FAF1: variants seen among roughly 807,000 people sequenced by gnomAD.
FAF1 encodes Fas associated factor 1.
Under a neutral mutation model 92.5 loss-of-function variants are expected in FAF1, and 25 were observed. The observed-to-expected ratio is 0.27, with a 90% confidence interval of 0.20 to 0.38. The LOEUF is 0.38. Ranked by LOEUF, FAF1 falls within the 10% of genes least tolerant of loss-of-function variation. FAF1 has a pLI of 1.00. For missense variants in FAF1, 636 were observed against 793.3 expected (o/e 0.80, Z 2.38); for synonymous variants, 234 against 273.2 (o/e 0.86, Z 1.42).
intron 8 of FAF1, among the ~76,000 whole-genome samples, chr1:50,651,523 CA>C (rs1654865075): frequency 6.6e-6 from 1 of 152,122 alleles, no homozygotes; most frequent in African/African-American, 2.4e-5. Flanking sequence ...TTCAACTGAG[CA>C]ATAAAAGTAC....
chr1:50,858,080 T>C (rs376492103), intron 1 of FAF1, 83 bp from the exon 2 acceptor site: 15 of 919,906 alleles, frequency 1.6e-5, no homozygotes, highest in Middle Eastern at 2.3e-4. Flanking sequence ...AATAGCATAA[T>C]ATGTAATTTA....
chr1:50,475,734 G>T, intron 17 of FAF1, 55 bp from the exon 18 acceptor site: 1 of 1,224,396 alleles, frequency 8.2e-7, no homozygotes, highest in Non-Finnish European at 1.1e-6. Context: ...ACTATGGAGA[G>T]TGGGGAGGAA....
rs1411668732 is a variant in FAF1, at chr1:50,574,896, CTCTTTTTTT to C, written c.1114-7674_1114-7666del. ...GTTTAAGCATATAGAGTTGTATTAA[CTCTTTTTTT>C]TTTTTTTTTTTTTTTTTTTTTGAGA... On this transcript the variant is annotated intron_variant, in intron 12 of 18. Transcript: ENST00000396153. Among the ~76,000 whole-genome samples the C allele has an allele frequency of 1.8e-3, 227 of 122,910 alleles. 8 individuals carry two copies. Among genetic ancestry groups the C allele is most frequent in the African/African-American group, 7.0e-3 (217 of 30,800 alleles). The allele number at this position is 122,910 out of a possible 152,430, so 80.6% of individuals were successfully genotyped here. A position where few individuals can be genotyped will look rare whatever the true frequency, so the allele number is the denominator to read the frequency against.
chr1:50,869,104 T>C (rs529395721), intron 1 of FAF1, among the ~76,000 whole-genome samples: 7 of 152,256 alleles, frequency 4.6e-5, no homozygotes, highest in Admixed American at 2.0e-4. Flanking sequence ...TCTTGAAAAA[T>C]TGATTCTCCC....
chr1:50,705,282 G>C (rs1296947987), intron 7 of FAF1, among the ~76,000 whole-genome samples: 1 of 152,160 alleles, frequency 6.6e-6, no homozygotes, highest in African/African-American at 2.4e-5. Context: ...ACTATAAATA[G>C]ACTCTTCTCA....
chr1:50,842,564 C>T (rs1370657421), intron 2 of FAF1, among the ~76,000 whole-genome samples: 2 of 152,062 alleles, frequency 1.3e-5, no homozygotes, highest in Non-Finnish European at 2.9e-5. Flanking sequence ...TCTGCTTGGT[C>T]TTCTCCTCTA....
intron 2 of FAF1, 51 bp downstream of exon 2, chr1:50,857,878 C>T (rs2124666016): frequency 8.7e-7 from 1 of 1,148,584 alleles, no homozygotes; most frequent in Non-Finnish European, 1.3e-6. Flanking sequence ...TAAAGACATT[C>T]AAGAATTCAT....
At chr1:50,631,188 T>C (rs564706932) in intron 8 of FAF1, among the ~76,000 whole-genome samples, 15 of 152,324 alleles carry the variant, frequency 9.8e-5, no homozygotes, top group African/African-American at 3.4e-4. Flanking sequence ...TGTTATGAAA[T>C]GGAACTCCAG....
At chr1:50,518,263 A>C (rs1213953687) in intron 15 of FAF1, among the ~76,000 whole-genome samples, 1 of 152,212 alleles carries the variant, frequency 6.6e-6, no homozygotes, top group Non-Finnish European at 1.5e-5. Context: ...TGCCTTTGTG[A>C]TACATTCAAG....
intron 1 of FAF1, among the ~76,000 whole-genome samples, chr1:50,921,380 A>T (rs564542379): frequency 6.6e-6 from 1 of 152,354 alleles, no homozygotes; most frequent in Non-Finnish European, 1.5e-5. Context: ...CCACTGAGGG[A>T]ATTCTTAACA....
At chr1:50,655,411 A>G in intron 8 of FAF1, 31 bp downstream of exon 8, 1 of 1,391,776 alleles carries the variant, frequency 7.2e-7, no homozygotes, top group South Asian at 1.2e-5. Flanking sequence ...AGAAAGGAGG[A>G]TATAAAACTG....
At chr1:50,675,818 G>A (rs1656093092) in intron 7 of FAF1, among the ~76,000 whole-genome samples, 1 of 152,188 alleles carries the variant, frequency 6.6e-6, no homozygotes, top group African/African-American at 2.4e-5. Context: ...CAATGTGATA[G>A]TTATAATGAT....
chr1:50,813,755 C>T (rs1643939758), intron 2 of FAF1, among the ~76,000 whole-genome samples: 2 of 151,960 alleles, frequency 1.3e-5, no homozygotes, highest in Non-Finnish European at 2.9e-5. Context: ...TTTCATTTAA[C>T]ACTGTATTGT....
At chr1:50,907,691 T>G (rs539459749) in intron 1 of FAF1, among the ~76,000 whole-genome samples, 111 of 152,326 alleles carry the variant, frequency 7.3e-4, no homozygotes, top group African/African-American at 2.7e-3. Flanking sequence ...TATTCTCTGA[T>G]GGTAGTTTGC....
At chr1:50,717,959 C>CT (rs1293504241) in intron 6 of FAF1, among the ~76,000 whole-genome samples, 1 of 151,766 alleles carries the variant, frequency 6.6e-6, no homozygotes, top group Non-Finnish European at 1.5e-5. Flanking sequence ...TACATGGGCC[C>CT]TATATTTTTA....
chr1:50,868,809 T>G (rs1644503459), intron 1 of FAF1, among the ~76,000 whole-genome samples: 1 of 152,152 alleles, frequency 6.6e-6, no homozygotes, highest in South Asian at 2.1e-4. Context: ...TATGAAGACT[T>G]AATAGCCCAA....
chr1:50,671,038 C>A (rs1400086161), intron 7 of FAF1, among the ~76,000 whole-genome samples: 3 of 151,456 alleles, frequency 2.0e-5, no homozygotes, highest in Non-Finnish European at 4.4e-5. Flanking sequence ...TAAATAATAC[C>A]TTATTTGAAA....
chr1:50,508,312 T>C (rs992221794), intron 15 of FAF1, among the ~76,000 whole-genome samples: 1 of 152,214 alleles, frequency 6.6e-6, no homozygotes, highest in African/African-American at 2.4e-5. Flanking sequence ...TTATTCACAA[T>C]AGCCAAAATG....
chr1:50,484,037 A>G (rs1286481429), intron 17 of FAF1, among the ~76,000 whole-genome samples: 1 of 152,182 alleles, frequency 6.6e-6, no homozygotes, highest in Non-Finnish European at 1.5e-5. Context: ...AGCTGGAAAT[A>G]TAAATCTGGG....
Sources: gnomAD v4.1 joint callset for allele counts (sites outside exome capture counted in the v4.1 genomes callset) on GRCh38, gnomAD v4.1.1 for gene constraint, MANE v1.5 for transcripts, NCBI Gene and HGNC (gene_info 2026-07-23, HGNC 2026-07-21) for gene names.